TPM1: variants seen among roughly 807,000 people sequenced by gnomAD.
The protein encoded by TPM1 is tropomyosin alpha-1 chain.
Under a neutral mutation model 42.9 loss-of-function variants are expected in TPM1, and 24 were observed. That is an observed-to-expected ratio of 0.56 (90% CI 0.41 to 0.79). TPM1 has a LOEUF of 0.79. Among genes scored for constraint, TPM1 ranks in the 30% least tolerant of loss-of-function variants. The probability of loss-of-function intolerance (pLI) is 0.00; values close to 1 mark genes in which losing one functional copy is unlikely to be tolerated. For missense variants in TPM1, 158 were observed against 351.8 expected (o/e 0.45, Z 4.41); for synonymous variants, 136 against 130.1 (o/e 1.05, Z -0.31).
chr15:63,070,589 A>C, downstream of TPM1: 5 of 1,008,468 alleles, frequency 5.0e-6, no homozygotes, highest in Non-Finnish European at 5.9e-6. Context: ...ACATGTTGAC[A>C]ATTTTTTATG....
chr15:63,069,357 GT>G (rs1173410919), downstream of TPM1, among the ~76,000 whole-genome samples: 1 of 152,166 alleles, frequency 6.6e-6, no homozygotes, highest in East Asian at 1.9e-4. Flanking sequence ...GTAACCCCCA[GT>G]TGGTCCTACC....
intron 2 of TPM1, among the ~76,000 whole-genome samples, chr15:63,053,863 G>A (rs1230789804): frequency 6.6e-6 from 1 of 151,602 alleles, no homozygotes; most frequent in Non-Finnish European, 1.5e-5. Flanking sequence ...TGTGTTTTTT[G>A]TAGAGACGGG....
At chr15:63,050,996 T>A (rs1398713674) in intron 2 of TPM1, among the ~76,000 whole-genome samples, 4 of 152,224 alleles carry the variant, frequency 2.6e-5, no homozygotes, top group African/African-American at 9.6e-5. Flanking sequence ...CAGCCATCCC[T>A]TACTTCCTCC....
At chr15:63,046,290 A>ACT (rs2032364299) in intron 2 of TPM1, 1 of 152,204 alleles carries the variant, frequency 6.6e-6, no homozygotes, top group East Asian at 1.9e-4. Context: ...GTGCATGACC[A>ACT]TATTGAGAGT....
chr15:63,049,907 T>C lies in TPM1; in HGVS notation c.240+5755T>C, dbSNP rs1173910309. Among the ~76,000 whole-genome samples, 3 of 152,232 alleles carry C rather than the reference T, an allele frequency of 2.0e-5. No homozygotes were observed. The East Asian group carries it at 5.8e-4, about 29-fold the overall frequency. ...AACTAATTCCGACTCCCTTACTCGC[T>C]AGTAGCTGTCCTTGAACCATTAGAA... On this transcript the variant is annotated intron_variant, in intron 2 of 9. Transcript: ENST00000403994.
At chr15:63,054,841 T>C (rs1417136355) in intron 2 of TPM1, among the ~76,000 whole-genome samples, 4 of 152,156 alleles carry the variant, frequency 2.6e-5, no homozygotes, top group Admixed American at 6.5e-5. Context: ...GTGTGCTTGG[T>C]TTTTTTGTGT....
rs1555402931 is a variant in TPM1, at chr15:63,042,855, A to G, written c.26A>G (p.Gln9Arg). The stretch of plus-strand genomic sequence containing the variant: ...ATGGACGCCATCAAGAAGAAGATGC[A>G]GATGCTGAAGCTCGACAAGGAGAAC... Reference protein sequence around the residue: MDAIKKKMQMLKLDKENAL... With the variant: MDAIKKKMRMLKLDKENAL... Residue 9 changes from glutamine to arginine, a missense_variant, in exon 1 of 10, where the codon CAG becomes CGG. Gln to Arg is a conservative substitution (Grantham distance 43). Coordinates refer to ENST00000403994, the MANE Select transcript of TPM1 (RefSeq NM_001018005.2). 1 of 1,613,302 alleles carries G rather than the reference A, an allele frequency of 6.2e-7. No homozygotes were observed. Among genetic ancestry groups the G allele is most frequent in the Non-Finnish European group, 8.5e-7 (1 of 1,179,422 alleles).
At chr15:63,067,855 G>A (rs574449778), downstream of TPM1, among the ~76,000 whole-genome samples, 70 of 152,286 alleles carry the variant, frequency 4.6e-4, no homozygotes, top group South Asian at 4.8e-3. Flanking sequence ...CCATAGAACC[G>A]GAAGGGAAAA....
chr15:63,061,306 C>G, intron 5 of TPM1: 1 of 1,606,518 alleles, frequency 6.2e-7, no homozygotes, highest in South Asian at 1.1e-5. Context: ...TTAGGTTTAA[C>G]TGCAACCCAG....
downstream of TPM1, chr15:63,070,921 C>T (rs1219973884): frequency 2.1e-6 from 3 of 1,412,546 alleles, no homozygotes; most frequent in Non-Finnish European, 2.8e-6. Context: ...AAGATGCCCT[C>T]CCCTCCGTCT....
intron 2 of TPM1, among the ~76,000 whole-genome samples, chr15:63,055,126 A>G (rs2034570391): frequency 1.3e-5 from 2 of 152,290 alleles, no homozygotes; most frequent in African/African-American, 2.4e-5. Context: ...ACACACCAGA[A>G]ACAACAGTCA....
Position 63,062,556 on chromosome 15 carries a change from A to T in TPM1, c.703-20A>T. 6.2e-7 allele frequency: 1 copy of T among 1,613,984 alleles called. No individual in the cohort carries two copies. The highest frequency in any genetic ancestry group is 8.5e-7 in the Non-Finnish European group (1 of 1,179,892). On this transcript the variant is annotated intron_variant, in intron 7 of 9. Coordinates refer to ENST00000403994, the MANE Select transcript of TPM1 (RefSeq NM_001018005.2). ...GGAAACATAAAACTTCCCAACTTTA[A>T]CTCAAATAAATCATTACAGGCTGAG...
At chr15:63,070,097 G>T, downstream of TPM1, 1 of 1,520,054 alleles carries the variant, frequency 6.6e-7, no homozygotes, top group Non-Finnish European at 8.8e-7. Context: ...GGCCTTGCCT[G>T]CTTGTTTCTC....
intron 8 of TPM1, chr15:63,062,888 C>T: frequency 1.3e-6 from 2 of 1,494,232 alleles, no homozygotes; most frequent in South Asian, 1.3e-5. Flanking sequence ...ACTTCATGCT[C>T]ATTACAAGTG....
chr15:63,070,742 T>G, downstream of TPM1: 1 of 1,083,834 alleles, frequency 9.2e-7, no homozygotes, highest in Non-Finnish European at 1.1e-6. Flanking sequence ...ACTTCTTCAG[T>G]TTGTATAACA....
chr15:63,063,134 ATTATAC>A (rs1187057338), intron 8 of TPM1: 6 of 982,294 alleles, frequency 6.1e-6, no homozygotes, highest in African/African-American at 5.2e-5. Flanking sequence ...GGAGGGAAAA[ATTATAC>A]TTAAGCATTT....
downstream of TPM1, among the ~76,000 whole-genome samples, chr15:63,068,414 C>T (rs1225534489): frequency 1.3e-5 from 2 of 152,168 alleles, no homozygotes; most frequent in East Asian, 3.9e-4. Flanking sequence ...GCAAAGAGGA[C>T]AGAGCAGCAG....
rs372200754 is a variant in TPM1 at position 63,062,142 on chromosome 15, G to A, written c.640-73G>A. On this transcript the variant is annotated intron_variant, in intron 6 of 9. Coordinates refer to ENST00000403994, the MANE Select transcript of TPM1 (RefSeq NM_001018005.2). ...CTTAACATCTGTTGGCTGAGCTGGC[G>A]AGTTCTTTGCATGAGAAGCCATGAG... The A allele has an allele frequency of 1.8e-4, 253 of 1,386,328 alleles. 3 individuals carry two copies. The East Asian group carries it at 2.3e-3, about 13-fold the overall frequency. 85.9% of individuals were successfully genotyped at this position (1,386,328 alleles called of 1,614,324 possible). A position where few individuals can be genotyped will look rare whatever the true frequency, so the allele number is the denominator to read the frequency against.
At chr15:63,043,569 T>C in intron 1 of TPM1, 2 of 1,370,160 alleles carry the variant, frequency 1.5e-6, no homozygotes, top group East Asian at 5.0e-5. Context: ...AAAGAGGAAG[T>C]TACCTCGGGT....
Sources: gnomAD v4.1 joint callset for allele counts (sites outside exome capture counted in the v4.1 genomes callset) on GRCh38, gnomAD v4.1.1 for gene constraint, MANE v1.5 for transcripts, NCBI Gene and HGNC (gene_info 2026-07-23, HGNC 2026-07-21) for gene names.